The following HEXD variants were observed in gnomAD, a reference collection of about 807,000 sequenced individuals.
The protein encoded by HEXD is hexosaminidase D, also known as N-acetyl-beta-galactosaminidase.
In HEXD, 47 loss-of-function variants were observed where a neutral mutation model predicts 54.2. The ratio of observed to expected loss-of-function variants is 0.87; its 90% CI spans 0.69 to 1.11. HEXD has a LOEUF of 1.11. Ranked by LOEUF, HEXD falls within the 50% of genes least tolerant of loss-of-function variation. The pLI, the probability that HEXD is intolerant of heterozygous loss-of-function variation, is 0.00. For missense variants in HEXD, 576 were observed against 649.2 expected (o/e 0.89, Z 1.23); for synonymous variants, 293 against 287.6 (o/e 1.02, Z -0.19).
intron 4 of HEXD, among the ~76,000 whole-genome samples, chr17:82,431,117 C>G (rs911682633): frequency 2.0e-5 from 3 of 151,592 alleles, no homozygotes. Context: ...GCTCAAGCAC[C>G]TCAGCCTCCT....
intron 6 of HEXD, 55 bp downstream of exon 6, chr17:82,435,927 G>T: frequency 6.5e-7 from 1 of 1,534,040 alleles, no homozygotes; most frequent in Non-Finnish European, 8.8e-7. Context: ...CAAGACCTGC[G>T]GCTTCAAAGA....
chr17:82,428,428 T>C, intron 3 of HEXD, 130 bp from the exon 4 acceptor site: 2 of 682,064 alleles, frequency 2.9e-6, no homozygotes, highest in Non-Finnish European at 2.5e-6. Flanking sequence ...CCTGTCAAGC[T>C]TTGTGGAGTT....
chr17:82,431,370 G>A (rs1177382113), intron 4 of HEXD, among the ~76,000 whole-genome samples: 1 of 151,370 alleles, frequency 6.6e-6, no homozygotes, highest in Non-Finnish European at 1.5e-5. Flanking sequence ...CTATGTTGCT[G>A]GGCTGGTCTC....
At chr17:82,433,554 T>G in intron 4 of HEXD, 104 bp from the exon 5 acceptor site, 1 of 1,214,406 alleles carries the variant, frequency 8.2e-7, no homozygotes, top group Non-Finnish European at 1.1e-6. Context: ...CCTGGCCTAA[T>G]TTTTTTGTAT....
intron 7 of HEXD, 161 bp from the exon 8 acceptor site, chr17:82,437,007 C>T (rs12935995): frequency 0.25 from 175,045 of 711,530 alleles, 26,188 homozygotes; most frequent in East Asian, 0.68. Flanking sequence ...GACTGGGACC[C>T]GGGCCGGCCG....
At chr17:82,423,835 AAGAC>A (rs2053312891) in intron 2 of HEXD, among the ~76,000 whole-genome samples, 1 of 151,220 alleles carries the variant, frequency 6.6e-6, no homozygotes, top group Non-Finnish European at 1.5e-5. Flanking sequence ...AAAAGAGAGA[AAGAC>A]AAGGAAGTGG....
chr17:82,435,897 G>C, intron 6 of HEXD, 25 bp downstream of exon 6: 1 of 1,592,284 alleles, frequency 6.3e-7, no homozygotes, highest in Middle Eastern at 1.7e-4. Context: ...CTGGGGGAGG[G>C]GGTGGGCCAC....
intron 8 of HEXD, chr17:82,439,314 G>A: frequency 2.1e-6 from 1 of 484,794 alleles, no homozygotes; most frequent in Non-Finnish European, 2.7e-6. Context: ...AGAGGCCAGA[G>A]GTGCTGGGGG....
chr17:82,440,496 C>T (rs924416183), intron 9 of HEXD: 5 of 390,368 alleles, frequency 1.3e-5, no homozygotes, highest in African/African-American at 4.3e-5. Context: ...CGGCCCCATC[C>T]GCCACCCGTG....
intron 7 of HEXD, 114 bp downstream of exon 7, chr17:82,436,852 G>C: frequency 1.0e-6 from 1 of 989,100 alleles, no homozygotes; most frequent in Non-Finnish European, 1.5e-6. Flanking sequence ...CACGGGTAGA[G>C]GCCAGGGCAC....
chr17:82,430,677 C>T (rs1052334173), intron 4 of HEXD, among the ~76,000 whole-genome samples: 3 of 152,170 alleles, frequency 2.0e-5, no homozygotes, highest in East Asian at 1.9e-4. Flanking sequence ...GCGTGAGCCA[C>T]GGTGCCCAGC....
chr17:82,433,250 T>C (rs2053663891), intron 4 of HEXD, among the ~76,000 whole-genome samples: 1 of 149,880 alleles, frequency 6.7e-6, no homozygotes, highest in Non-Finnish European at 1.5e-5. Flanking sequence ...AAGACCAGCC[T>C]GGCCAACATA....
At chr17:82,440,043 G>A (rs1365455476) in intron 9 of HEXD, 1 of 1,316,740 alleles carries the variant, frequency 7.6e-7, no homozygotes, top group Admixed American at 2.3e-5. Flanking sequence ...TGCCCACCTG[G>A]CCGAGCAGGT....
intron 4 of HEXD, among the ~76,000 whole-genome samples, chr17:82,430,927 G>A (rs113972752): frequency 0.034 from 5,105 of 152,108 alleles, 285 homozygotes; most frequent in African/African-American, 0.12. Context: ...TTTAACTTCT[G>A]TGCATTTTTC....
chr17:82,419,684 T>G, intron 1 of HEXD, 65 bp from the exon 2 acceptor site: 1 of 611,162 alleles, frequency 1.6e-6, no homozygotes. Context: ...AAACTGAAAG[T>G]ATAAGGAGAA....
chr17:82,435,502 T>C (rs1173011974), intron 5 of HEXD, among the ~76,000 whole-genome samples, 187 bp from the exon 6 acceptor site: 1 of 151,970 alleles, frequency 6.6e-6, no homozygotes, highest in Non-Finnish European at 1.5e-5. Context: ...AAACCTTGAG[T>C]AGAAGTTCAG....
chr17:82,423,100 G>A (rs2053285714), intron 2 of HEXD, among the ~76,000 whole-genome samples: 2 of 152,010 alleles, frequency 1.3e-5, no homozygotes, highest in South Asian at 4.2e-4. Flanking sequence ...ATTGAATATA[G>A]GCAAAGAAGA....
In HEXD at chr17:82,442,335, C is replaced by G. The variant is rs780539275; in HGVS notation, c.1412C>G (p.Pro471Arg). 1.9e-6 allele frequency: 3 copies of G among 1,610,772 alleles called. No individual in the cohort carries two copies. Among genetic ancestry groups the G allele is most frequent in the African/African-American group, 2.7e-5 (2 of 74,922 alleles). Residue 471 changes from proline to arginine, a missense_variant, in exon 13 of 13, where the codon CCC becomes CGC. Transcript: ENST00000327949. The surrounding 1 kb of genome is among the most constrained non-coding windows in gnomAD (Gnocchi z 6.8). ...CAGGACCTCAGCGAGGTGTCTGCCCCCCCGCTGCCACCCACCAGCCCTGGC... is the reference window on the plus strand; with the variant it reads ...CAGGACCTCAGCGAGGTGTCTGCCCGCCCGCTGCCACCCACCAGCCCTGGC... ...LLQDLSEVSAPPLPPTSPGRD... is the reference protein window; with the variant it reads ...LLQDLSEVSARPLPPTSPGRD...
At chr17:82,420,648 A>G (rs987439987) in intron 2 of HEXD, among the ~76,000 whole-genome samples, 2 of 151,938 alleles carry the variant, frequency 1.3e-5, no homozygotes, top group Non-Finnish European at 2.9e-5. Context: ...GCTTACTGCA[A>G]CCTCCACCTC....
Sources: allele counts gnomAD v4.1 joint callset (sites outside exome capture counted in the v4.1 genomes callset), GRCh38; gene constraint gnomAD v4.1.1; non-coding constraint Gnocchi (gnomAD v3.1); transcripts MANE v1.5; gene names NCBI Gene and HGNC (gene_info 2026-07-23, HGNC 2026-07-21).